ADGRL2: variants seen among roughly 807,000 people sequenced by gnomAD.
ADGRL2 encodes adhesion G protein-coupled receptor L2.
ADGRL2 carries 44 observed loss-of-function variants against 157.4 expected under a neutral mutation model. The observed-to-expected ratio is 0.28, with a 90% CI of 0.22 to 0.36. The LOEUF (loss-of-function observed/expected upper bound fraction) is 0.36, where lower values mean the gene tolerates loss of function less well. Ranked by LOEUF, ADGRL2 falls within the 10% of genes least tolerant of loss-of-function variation. The probability of loss-of-function intolerance (pLI) is 1.00; values close to 1 mark genes in which losing one functional copy is unlikely to be tolerated. For synonymous variants in ADGRL2, 585 were observed against 624.7 expected (o/e 0.94, Z 0.95); for missense variants, 1,510 against 1,768.9 (o/e 0.85, Z 2.63).
chr1:81,417,135 A>G (rs917996406), intron 1 of ADGRL2, among the ~76,000 whole-genome samples: 1 of 152,206 alleles, frequency 6.6e-6, no homozygotes, highest in Non-Finnish European at 1.5e-5. Flanking sequence ...TTCCCGAATT[A>G]CATTTTATAA....
chr1:81,765,845 T>G (rs1220116267), intron 2 of ADGRL2, among the ~76,000 whole-genome samples: 1 of 152,146 alleles, frequency 6.6e-6, no homozygotes. Flanking sequence ...AATAGTCATT[T>G]TGTCATTAAT....
chr1:81,601,933 A>T, intron 3 of ADGRL2, among the ~76,000 whole-genome samples: 1 of 152,208 alleles, frequency 6.6e-6, no homozygotes, highest in East Asian at 1.9e-4. Flanking sequence ...AGAACAGTTC[A>T]AGAGATGATG....
intron 3 of ADGRL2, among the ~76,000 whole-genome samples, chr1:81,648,042 A>C (rs1284908611): frequency 6.6e-6 from 1 of 152,224 alleles, no homozygotes; most frequent in Non-Finnish European, 1.5e-5. Flanking sequence ...CAAAATGCAA[A>C]GAAAACCAAA....
chr1:81,777,325 T>TA (rs766395934), intron 2 of ADGRL2, among the ~76,000 whole-genome samples: 1 of 152,218 alleles, frequency 6.6e-6, no homozygotes, highest in Non-Finnish European at 1.5e-5. Context: ...CACTGCCAAG[T>TA]AAAGTTCCTC....
chr1:81,936,624 G>T, intron 3 of ADGRL2, 104 bp from the exon 4 acceptor site: 1 of 577,478 alleles, frequency 1.7e-6, no homozygotes, highest in Middle Eastern at 4.8e-4. Flanking sequence ...TTTGTTTTAT[G>T]TTTCTGGTTG....
chr1:81,796,150 C>G (rs2087575653), upstream of ADGRL2, among the ~76,000 whole-genome samples: 1 of 152,008 alleles, frequency 6.6e-6, no homozygotes. Context: ...GCCACCGTGC[C>G]CAGCTAATTT....
intron 4 of ADGRL2, among the ~76,000 whole-genome samples, chr1:81,938,560 T>A (rs887309875): frequency 2.6e-5 from 4 of 151,728 alleles, no homozygotes; most frequent in African/African-American, 9.7e-5. Flanking sequence ...AGAGAAGTAT[T>A]TGTTCCTTTT....
At chr1:81,486,120 A>G (rs905857199) in intron 2 of ADGRL2, among the ~76,000 whole-genome samples, 2 of 152,236 alleles carry the variant, frequency 1.3e-5, no homozygotes, top group African/African-American at 2.4e-5. Flanking sequence ...TTGGTTTTCA[A>G]AACAAGCAAG....
At chr1:81,838,760 CAG>C (rs1012567896) in intron 2 of ADGRL2, among the ~76,000 whole-genome samples, 4 of 152,020 alleles carry the variant, frequency 2.6e-5, no homozygotes, top group African/African-American at 7.2e-5. Context: ...GGCTAGCAAA[CAG>C]AGAGTTTTTT....
intron 1 of ADGRL2, among the ~76,000 whole-genome samples, chr1:81,333,401 TAATTA>T (rs148968843): frequency 0.12 from 18,467 of 151,232 alleles, 1,661 homozygotes; most frequent in African/African-American, 0.26. Context: ...TTTAATTAAT[TAATTA>T]ATTAATTTAT....
chr1:81,435,758 C>G (rs1211765139), intron 1 of ADGRL2, among the ~76,000 whole-genome samples: 1 of 152,056 alleles, frequency 6.6e-6, no homozygotes, highest in Non-Finnish European at 1.5e-5. Context: ...TTCTCTGGAA[C>G]CTGGGAAAGA....
At chr1:81,919,496 C>G (rs1044041514) in intron 3 of ADGRL2, among the ~76,000 whole-genome samples, 1 of 151,780 alleles carries the variant, frequency 6.6e-6, no homozygotes, top group Non-Finnish European at 1.5e-5. Context: ...GTTACTTTTC[C>G]TTAGTAATGG....
At chr1:81,373,584 A>T (rs552853026) in intron 1 of ADGRL2, among the ~76,000 whole-genome samples, 1 of 152,322 alleles carries the variant, frequency 6.6e-6, no homozygotes, top group South Asian at 2.1e-4. Context: ...ACTAGCATAA[A>T]GTATCTAGGA....
intron 2 of ADGRL2, among the ~76,000 whole-genome samples, chr1:81,872,124 G>C (rs934652462): frequency 6.6e-6 from 1 of 152,138 alleles, no homozygotes; most frequent in East Asian, 1.9e-4. Context: ...TGTAAGGAAA[G>C]GGATCCAGTT....
chr1:81,459,540 G>A (rs1363057827), intron 2 of ADGRL2, among the ~76,000 whole-genome samples: 6 of 152,000 alleles, frequency 3.9e-5, no homozygotes, highest in Non-Finnish European at 8.8e-5. Context: ...TTCATTGTAT[G>A]TGCATACCAC....
At chr1:81,574,722 G>A (rs1232796402) in intron 2 of ADGRL2, among the ~76,000 whole-genome samples, 1 of 152,116 alleles carries the variant, frequency 6.6e-6, no homozygotes, top group Non-Finnish European at 1.5e-5. Flanking sequence ...TGCTTTAGTG[G>A]GACCTTCACT....
At chr1:81,425,956 T>A (rs2077206516) in intron 1 of ADGRL2, among the ~76,000 whole-genome samples, 1 of 152,142 alleles carries the variant, frequency 6.6e-6, no homozygotes, top group African/African-American at 2.4e-5. Context: ...AGCCTTGAAC[T>A]CCTGGGCTCA....
chr1:81,443,822 A>T (rs969295253), intron 1 of ADGRL2, among the ~76,000 whole-genome samples: 1 of 152,198 alleles, frequency 6.6e-6, no homozygotes, highest in African/African-American at 2.4e-5. Flanking sequence ...ATAGAAAGAT[A>T]CTCCTTGTTA....
At chr1:81,693,564 G>T (rs572416530) in intron 3 of ADGRL2, among the ~76,000 whole-genome samples, 6 of 152,310 alleles carry the variant, frequency 3.9e-5, no homozygotes, top group African/African-American at 1.4e-4. Flanking sequence ...GGAGAGAATG[G>T]CATCGAGCCA....
Sources: gnomAD v4.1 joint callset for allele counts (sites outside exome capture counted in the v4.1 genomes callset) on GRCh38, gnomAD v4.1.1 for gene constraint, MANE v1.5 for transcripts, NCBI Gene and HGNC (gene_info 2026-07-23, HGNC 2026-07-21) for gene names.